Variants in BTF3L4 observed in about 807,000 individuals in gnomAD.
The protein encoded by BTF3L4 is transcription factor BTF3 homolog 4.
In BTF3L4, 6 loss-of-function variants were observed where a neutral mutation model predicts 16.8. The ratio of observed to expected loss-of-function variants is 0.36; its 90% confidence interval spans 0.20 to 0.71. BTF3L4 has a LOEUF of 0.71. BTF3L4 is among the 30% of genes least tolerant of loss of function. The pLI is 0.58. For missense variants in BTF3L4, 92 were observed against 186.9 expected (o/e 0.49, Z 2.96); for synonymous variants, 39 against 59.8 (o/e 0.65, Z 1.60).
intron 2 of BTF3L4, among the ~76,000 whole-genome samples, chr1:52,060,862 T>G (rs1275397552): frequency 1.3e-5 from 2 of 152,184 alleles, no homozygotes; most frequent in African/African-American, 2.4e-5. Context: ...TAGCATCAAG[T>G]GTGATGTGAT....
intron 3 of BTF3L4, among the ~76,000 whole-genome samples, chr1:52,081,695 G>A (rs1643925553): frequency 1.3e-5 from 2 of 152,160 alleles, no homozygotes; most frequent in Non-Finnish European, 2.9e-5. Flanking sequence ...TAGAACAGCT[G>A]GGTTGAATGC....
rs904496481 is a variant in BTF3L4, at chr1:52,089,710, TTTGTTC to T, written c.*2955_*2960del. 10 of 152,320 alleles carry T rather than the reference TTTGTTC, an allele frequency of 6.6e-5. No individual in the cohort carries two copies. Among genetic ancestry groups the T allele is most frequent in the East Asian group, 5.8e-4 (3 of 5,188 alleles). The allele number at this position is 152,320 out of a possible 1,614,324, so 9.4% of individuals were successfully genotyped here. A position where few individuals can be genotyped will look rare whatever the true frequency, so the allele number is the denominator to read the frequency against. ...CCTTTGAGGTTTTTTTGTTTTTGTTTTTGTTCTTTGTAAAGCGCCTTATCTGTTTTG... is the reference window on the plus strand; with the variant it reads ...CCTTTGAGGTTTTTTTGTTTTTGTTTTTTGTAAAGCGCCTTATCTGTTTTG... On this transcript the variant is annotated 3_prime_UTR_variant, in exon 6 of 6. Transcript: ENST00000313334.
At position 52,083,065 on chromosome 1, in the gene BTF3L4, C is replaced by T. The variant is rs569161361; in HGVS notation, c.169-275C>T. Among the ~76,000 whole-genome samples the T allele has an allele frequency of 6.6e-5, 10 of 152,232 alleles. No homozygotes were observed. The East Asian group carries it at 9.6e-4, about 15-fold the overall frequency. ...CTTCCATTTTTTAAAAAAACATGGT[C>T]ATGTACTTCCTTCTCTTAGAAGTCT... On this transcript the variant is annotated intron_variant, in intron 3 of 5. Coordinates refer to ENST00000313334, the MANE Select transcript of BTF3L4 (RefSeq NM_152265.5).
At position 52,065,003 on chromosome 1, in the gene BTF3L4, C is replaced by T. The variant is rs1433161813; in HGVS notation, c.168+65C>T. On this transcript the variant is annotated intron_variant, in intron 3 of 5. Coordinates refer to ENST00000313334, the MANE Select transcript of BTF3L4 (RefSeq NM_152265.5). Reference sequence around the variant, plus strand: ...TGCACAAATAATTGTCTGGACCTTTCAGATGTAAAATATCAGCTTAGAAAA... The same window carrying T: ...TGCACAAATAATTGTCTGGACCTTTTAGATGTAAAATATCAGCTTAGAAAA... The T allele has an allele frequency of 5.6e-6, 5 of 888,418 alleles. No individual in the cohort carries two copies. In the African/African-American group the frequency reaches 8.6e-5, roughly 15 times the overall value. 55.0% of individuals were successfully genotyped at this position (888,418 alleles called of 1,614,324 possible).
intron 1 of BTF3L4, among the ~76,000 whole-genome samples, chr1:52,057,314 TAATAAA>T (rs1276804329): frequency 6.6e-6 from 1 of 152,236 alleles, no homozygotes; most frequent in African/African-American, 2.4e-5. Flanking sequence ...CTTAGGCACT[TAATAAA>T]TATAAACCTG....
chr1:52,074,542 T>A (rs571315474), intron 3 of BTF3L4, among the ~76,000 whole-genome samples: 42 of 152,250 alleles, frequency 2.8e-4, no homozygotes, highest in Middle Eastern at 3.4e-3. Flanking sequence ...TTTGTATTTT[T>A]AGTAGAGACG....
intron 3 of BTF3L4, among the ~76,000 whole-genome samples, chr1:52,077,032 G>C (rs901873066): frequency 6.6e-6 from 1 of 152,100 alleles, no homozygotes; most frequent in African/African-American, 2.4e-5. Context: ...GCCAGGCATG[G>C]TGGCACATGC....
chr1:52,069,397 G>A (rs1311055435), intron 3 of BTF3L4, among the ~76,000 whole-genome samples: 1 of 151,764 alleles, frequency 6.6e-6, no homozygotes, highest in Non-Finnish European at 1.5e-5. Flanking sequence ...GTTAAAAACA[G>A]CTTCTTGAGA....
In BTF3L4 at chr1:52,090,464, A is replaced by T. The variant is rs1390088449; in HGVS notation, c.*3706A>T. On this transcript the variant is annotated 3_prime_UTR_variant, in exon 6 of 6. Coordinates refer to ENST00000313334, the MANE Select transcript of BTF3L4 (RefSeq NM_152265.5). ...CCACATAGAGTTTGCCTGAATTATT[A>T]TAGCTTTCTTAATAGTTTTGTTTAT... The T allele has an allele frequency of 6.6e-6, 1 of 152,138 alleles. No homozygotes were observed. The highest frequency in any genetic ancestry group is 2.4e-5 in the African/African-American group (1 of 41,426). The allele number at this position is 152,138 out of a possible 1,614,324, so 9.4% of individuals were successfully genotyped here. A position where few individuals can be genotyped will look rare whatever the true frequency, so the allele number is the denominator to read the frequency against.
chr1:52,060,678 T>C, intron 2 of BTF3L4: 1 of 989,384 alleles, frequency 1.0e-6, no homozygotes, highest in Non-Finnish European at 1.2e-6. Flanking sequence ...GACACTACTT[T>C]TTGTAGTGGG....
intron 3 of BTF3L4, among the ~76,000 whole-genome samples, chr1:52,071,963 G>A (rs1451549887): frequency 6.8e-6 from 1 of 147,924 alleles, no homozygotes; most frequent in Non-Finnish European, 1.5e-5. Flanking sequence ...GTGTGTGTGT[G>A]TGTGTGTGTG....
chr1:52,066,037 C>G (rs1312303286), intron 3 of BTF3L4, among the ~76,000 whole-genome samples: 1 of 144,644 alleles, frequency 6.9e-6, no homozygotes, highest in Non-Finnish European at 1.5e-5. Flanking sequence ...GCATCCGTCT[C>G]AAAAAAAAAA....
rs1196990375 is a variant in BTF3L4 at position 52,089,335 on chromosome 1, C to CT, written c.*2583dup. The CT allele has an allele frequency of 1.3e-5, 2 of 151,962 alleles. No individual in the cohort carries two copies. Among genetic ancestry groups the CT allele is most frequent in the African/African-American group, 4.8e-5 (2 of 41,382 alleles). The allele number at this position is 151,962 out of a possible 1,614,324, so 9.4% of individuals were successfully genotyped here. On this transcript the variant is annotated 3_prime_UTR_variant, in exon 6 of 6. Coordinates refer to ENST00000313334, the MANE Select transcript of BTF3L4 (RefSeq NM_152265.5). ...CTCTTGTGTACAATGAGCCAATATT[C>CT]TTTTTTGTTCTATATTTTTGTATCT...
At chr1:52,058,820 G>A (rs1378896261) in intron 1 of BTF3L4, among the ~76,000 whole-genome samples, 9 of 152,076 alleles carry the variant, frequency 5.9e-5, no homozygotes, top group Non-Finnish European at 1.3e-4. Flanking sequence ...GGCTGGCCTC[G>A]AACTCCCGAC....
At chr1:52,065,103 C>A in intron 3 of BTF3L4, 165 bp downstream of exon 3, 1 of 402,852 alleles carries the variant, frequency 2.5e-6, no homozygotes, top group Non-Finnish European at 4.5e-6. Flanking sequence ...AAATGATGGT[C>A]AAAAAAATAA....
chr1:52,081,616 C>A (rs1330691016), intron 3 of BTF3L4, among the ~76,000 whole-genome samples: 1 of 152,194 alleles, frequency 6.6e-6, no homozygotes, highest in East Asian at 1.9e-4. Flanking sequence ...TTTAACAAAA[C>A]TGTAATTATC....
chr1:52,073,616 G>C (rs763029724), intron 3 of BTF3L4, among the ~76,000 whole-genome samples: 1 of 143,600 alleles, frequency 7.0e-6, no homozygotes, highest in Non-Finnish European at 1.5e-5. Flanking sequence ...ACTTTGAGAG[G>C]CTGAGGTGGA....
intron 2 of BTF3L4, chr1:52,060,329 C>T: frequency 4.9e-6 from 2 of 409,386 alleles, no homozygotes; most frequent in Non-Finnish European, 8.4e-6. Context: ...CAGGGCATAC[C>T]AGATGTTAGG....
chr1:52,056,839 T>G (rs1686373843), intron 1 of BTF3L4, among the ~76,000 whole-genome samples: 1 of 152,214 alleles, frequency 6.6e-6, no homozygotes, highest in African/African-American at 2.4e-5. Flanking sequence ...CACCTTGTAA[T>G]GGCAGTGTTT....
Sources: allele counts gnomAD v4.1 joint callset (sites outside exome capture counted in the v4.1 genomes callset), GRCh38; gene constraint gnomAD v4.1.1; transcripts MANE v1.5; gene names NCBI Gene and HGNC (gene_info 2026-07-23, HGNC 2026-07-21).